The following USP42 variants were observed in gnomAD, a reference collection of about 807,000 sequenced individuals.
USP42 encodes ubiquitin carboxyl-terminal hydrolase 42.
Under a neutral mutation model 113.0 loss-of-function variants are expected in USP42, and 23 were observed. The ratio of observed to expected loss-of-function variants is 0.20; its 90% confidence interval spans 0.15 to 0.29. The LOEUF (loss-of-function observed/expected upper bound fraction) is 0.29. Among genes scored for constraint, USP42 ranks in the 10% least tolerant of loss-of-function variants. USP42 has a pLI of 1.00. For synonymous variants in USP42, 933 were observed against 699.0 expected, an observed-to-expected ratio of 1.33 and a Z score of -5.28; for missense variants, 2,174 against 1,779.8, an observed-to-expected ratio of 1.22 and a Z score of -3.99.
At chr7:6,145,139 C>G (rs1164986678) in intron 9 of USP42, among the ~76,000 whole-genome samples, 1 of 151,814 alleles carries the variant, frequency 6.6e-6, no homozygotes, top group East Asian at 2.0e-4. Context: ...CAAGACCAGC[C>G]TAGCCAAGAT....
intron 6 of USP42, among the ~76,000 whole-genome samples, chr7:6,140,488 A>G (rs750865219): frequency 3.6e-4 from 55 of 151,708 alleles, no homozygotes; most frequent in Admixed American, 3.0e-3. Context: ...CGACAGTTGG[A>G]GTAGTGTTCC....
At chr7:6,107,302 C>A (rs972995030) in intron 1 of USP42, among the ~76,000 whole-genome samples, 29 of 152,114 alleles carry the variant, frequency 1.9e-4, no homozygotes, top group African/African-American at 6.5e-4. Context: ...TATGTTTATC[C>A]CCTGAAAATT....
chr7:6,141,048 T>G (rs1781400943), intron 7 of USP42, 64 bp downstream of exon 7: 1 of 824,710 alleles, frequency 1.2e-6, no homozygotes, highest in Non-Finnish European at 1.9e-6. Context: ...TAACTGTAGT[T>G]CATTTATAAT....
At chr7:6,087,340 C>CTT in the USP42 span, among the ~76,000 whole-genome samples, 219 of 116,426 alleles carry the variant, frequency 1.9e-3, 1 homozygote, top group Non-Finnish European at 2.5e-3. Flanking sequence ...CTAAGCGCTT[C>CTT]TTTTTTTTTT....
rs1244567050 is a variant in USP42 at position 6,161,295 on chromosome 7, C to CA, written c.*779dup. The CA allele has an allele frequency of 6.6e-6, 1 of 152,540 alleles. No homozygotes were observed. Among genetic ancestry groups the CA allele is most frequent in the Non-Finnish European group, 1.5e-5 (1 of 68,044 alleles). The allele number at this position is 152,540 out of a possible 1,614,324, so 9.4% of individuals were successfully genotyped here. The stretch of plus-strand genomic sequence containing the variant: ...CCCTTCGAGTTTCTAGTTACAGACA[C>CA]AATCATACTGTGATTTTATTTTTAA... On this transcript the variant is annotated 3_prime_UTR_variant, in exon 18 of 18. Coordinates refer to ENST00000306177, the MANE Select transcript of USP42 (RefSeq NM_032172.3).
At chr7:6,143,657 T>C (rs1367667508) in intron 8 of USP42, among the ~76,000 whole-genome samples, 1 of 152,078 alleles carries the variant, frequency 6.6e-6, no homozygotes, top group Non-Finnish European at 1.5e-5. Flanking sequence ...ATTTCTAATA[T>C]TTATTTTTAT....
rs1027095936 is a variant in USP42 at position 6,149,485 on chromosome 7, A to G, written c.1387-98A>G. The G allele has an allele frequency of 7.4e-5, 109 of 1,468,886 alleles. 2 individuals carry two copies. Among genetic ancestry groups the G allele is most frequent in the African/African-American group, 4.3e-4 (30 of 70,400 alleles). The allele number at this position is 1,468,886 out of a possible 1,614,324, so 91.0% of individuals were successfully genotyped here. On this transcript the variant is annotated intron_variant, in intron 12 of 17. Transcript: ENST00000306177. ...TGAAACTTGTTAGTCCTGAAAAAAA[A>G]AAAAAGCAAAATGGGAAGGACCCAT...
At chr7:6,086,693 C>CCCTTT in the USP42 span, among the ~76,000 whole-genome samples, 3 of 145,770 alleles carry the variant, frequency 2.1e-5, no homozygotes, top group South Asian at 2.3e-4. Context: ...CTTCCCTTTC[C>CCCTTT]CCTTTCCTTT....
At position 6,154,944 on chromosome 7, in the gene USP42, C is replaced by G. The variant is rs777189772; in HGVS notation, c.3390C>G (p.Asp1130Glu). Residue 1130 changes from aspartate to glutamate, a missense_variant, in exon 15 of 18, where the codon GAC (aspartate) becomes GAG (glutamate). Asp to Glu is a conservative substitution (Grantham distance 45). Coordinates refer to ENST00000306177, the MANE Select transcript of USP42 (RefSeq NM_032172.3). ...GAPHALAPHP[D>E]RFSHDRTALV... is the part of the protein sequence containing the mutation. Reference sequence around the variant, plus strand: ...CCCACGCCCTCGCCCCGCACCCCGACCGCTTCTCCCACGACAGAACTGCAC... The same window carrying G: ...CCCACGCCCTCGCCCCGCACCCCGAGCGCTTCTCCCACGACAGAACTGCAC... 132 of 1,553,722 alleles carry G rather than the reference C, an allele frequency of 8.5e-5. No homozygotes were observed. The highest frequency in any genetic ancestry group is 6.6e-4 in the Middle Eastern group (4 of 6,018).
intron 7 of USP42, among the ~76,000 whole-genome samples, chr7:6,141,696 C>A (rs1302636628): frequency 6.6e-6 from 1 of 152,028 alleles, no homozygotes; most frequent in African/African-American, 2.4e-5. Flanking sequence ...GTAGCTGGGA[C>A]TACAGCGACT....
intron 15 of USP42, 82 bp downstream of exon 15, chr7:6,155,277 A>C (rs913224489): frequency 2.1e-6 from 3 of 1,441,510 alleles, no homozygotes; most frequent in Non-Finnish European, 2.7e-6. Context: ...CGACTCAGGA[A>C]CAAGTGACCA....
At chr7:6,107,558 C>A (rs1025536210) in intron 1 of USP42, among the ~76,000 whole-genome samples, 3 of 151,740 alleles carry the variant, frequency 2.0e-5, no homozygotes, top group African/African-American at 4.8e-5. Context: ...TACAGGCATG[C>A]GCCACCACGC....
At chr7:6,094,631 G>T in the USP42 span, among the ~76,000 whole-genome samples, 149 of 151,096 alleles carry the variant, frequency 9.9e-4, 1 homozygote, top group Non-Finnish European at 1.7e-3. Flanking sequence ...TTTTTGCAGG[G>T]GTCAGACTGG....
chr7:6,118,864 G>A (rs554320793), intron 3 of USP42, among the ~76,000 whole-genome samples: 1 of 152,056 alleles, frequency 6.6e-6, no homozygotes, highest in Non-Finnish European at 1.5e-5. Flanking sequence ...CTATTATGTT[G>A]TACTGATCAC....
chr7:6,095,059 A>T, the USP42 span, among the ~76,000 whole-genome samples: 1 of 151,408 alleles, frequency 6.6e-6, no homozygotes, highest in African/African-American at 2.5e-5. Context: ...AAGTGCTGGC[A>T]TTATAGGTGT....
At chr7:6,148,502 G>C (rs544860221) in intron 12 of USP42, among the ~76,000 whole-genome samples, 1 of 152,282 alleles carries the variant, frequency 6.6e-6, no homozygotes, top group East Asian at 1.9e-4. Flanking sequence ...AATTCCTGTC[G>C]GATTGCAGGA....
intron 1 of USP42, among the ~76,000 whole-genome samples, chr7:6,107,151 C>T (rs1334793557): frequency 6.6e-6 from 1 of 152,102 alleles, no homozygotes; most frequent in Non-Finnish European, 1.5e-5. Context: ...TCCACAGTTA[C>T]AATGCTGTAT....
the USP42 span, among the ~76,000 whole-genome samples, chr7:6,083,376 C>A: frequency 5.1e-3 from 762 of 150,388 alleles, 43 homozygotes; most frequent in African/African-American, 0.018. Flanking sequence ...CTGCCTCAGC[C>A]TCTCAAGTAG....
At chr7:6,128,149 C>G (rs1444564103) in intron 3 of USP42, 2 of 151,882 alleles carry the variant, frequency 1.3e-5, no homozygotes, top group East Asian at 3.9e-4. Flanking sequence ...GATTTGGTCT[C>G]GCTGTGTTAC....
Sources: gnomAD v4.1 joint callset for allele counts (sites outside exome capture counted in the v4.1 genomes callset) on GRCh38, gnomAD v4.1.1 for gene constraint, MANE v1.5 for transcripts, NCBI Gene and HGNC (gene_info 2026-07-23, HGNC 2026-07-21) for gene names.